MALRD1: variants seen among roughly 807,000 people sequenced by gnomAD.
MALRD1 encodes MAM and LDL receptor class A domain containing 1.
Under a neutral mutation model 242.1 loss-of-function variants are expected in MALRD1, and 247 were observed. The observed-to-expected ratio is 1.02, with a 90% CI of 0.92 to 1.13. The LOEUF (loss-of-function observed/expected upper bound fraction) is 1.13. MALRD1 is among the 50% of genes most tolerant of loss of function. The probability of loss-of-function intolerance (pLI) is 0.00; values close to 1 mark genes in which losing one functional copy is unlikely to be tolerated. For missense variants in MALRD1, 2,989 were observed against 2,533.1 expected (o/e 1.18, Z -3.86); for synonymous variants, 995 against 866.6 (o/e 1.15, Z -2.60).
chr10:19,694,513 C>T (rs1391428381), intron 38 of MALRD1, among the ~76,000 whole-genome samples: 1 of 152,148 alleles, frequency 6.6e-6, no homozygotes, highest in African/African-American at 2.4e-5. Flanking sequence ...TAAATCAAAA[C>T]CAGAATGAGA....
intron 22 of MALRD1, among the ~76,000 whole-genome samples, chr10:19,326,236 T>G (rs1242404300): frequency 6.6e-6 from 1 of 152,128 alleles, no homozygotes; most frequent in Non-Finnish European, 1.5e-5. Flanking sequence ...AAGATTTTCG[T>G]CAGTAAAATG....
intron 38 of MALRD1, among the ~76,000 whole-genome samples, chr10:19,706,856 A>C (rs1391589781): frequency 6.6e-6 from 1 of 152,150 alleles, no homozygotes; most frequent in Admixed American, 6.5e-5. Flanking sequence ...CAGGAAAAAT[A>C]GGGAGAACTG....
chr10:19,210,892 G>T (rs1837020722), intron 18 of MALRD1, among the ~76,000 whole-genome samples: 1 of 152,096 alleles, frequency 6.6e-6, no homozygotes, highest in Non-Finnish European at 1.5e-5. Flanking sequence ...GCATCGTTTG[G>T]CTCCGCCACA....
chr10:19,661,395 A>C, intron 36 of MALRD1, among the ~76,000 whole-genome samples: 1 of 152,156 alleles, frequency 6.6e-6, no homozygotes, highest in Non-Finnish European at 1.5e-5. Flanking sequence ...CAAATGTCCA[A>C]CAATGATAGA....
intron 9 of MALRD1, among the ~76,000 whole-genome samples, chr10:19,135,604 T>C (rs1833307911): frequency 6.6e-6 from 1 of 152,226 alleles, no homozygotes; most frequent in African/African-American, 2.4e-5. Flanking sequence ...AAATGCTTTA[T>C]ATCTGATGTC....
At chr10:19,050,127 G>C (rs1211086114) in intron 1 of MALRD1, among the ~76,000 whole-genome samples, 1 of 120,088 alleles carries the variant, frequency 8.3e-6, no homozygotes, top group African/African-American at 3.2e-5. Context: ...TCGCTCTGTC[G>C]CCCAGGCTGG....
intron 30 of MALRD1, among the ~76,000 whole-genome samples, chr10:19,494,540 A>ATG (rs750399382): frequency 8.1e-4 from 124 of 152,326 alleles, no homozygotes; most frequent in Middle Eastern, 3.4e-3. Context: ...AATAACAATT[A>ATG]TGCAGGAGCT....
chr10:19,700,604 T>C (rs905653386), intron 38 of MALRD1, among the ~76,000 whole-genome samples: 2 of 152,230 alleles, frequency 1.3e-5, no homozygotes, highest in Non-Finnish European at 2.9e-5. Flanking sequence ...TGGTCTCTGC[T>C]ACCTAATAGA....
At chr10:19,343,953 A>C (rs932031919) in intron 24 of MALRD1, among the ~76,000 whole-genome samples, 1 of 152,084 alleles carries the variant, frequency 6.6e-6, no homozygotes, top group Admixed American at 6.6e-5. Context: ...GCTTGTTTAT[A>C]ATCCATATAT....
intron 21 of MALRD1, among the ~76,000 whole-genome samples, chr10:19,305,886 ATATATAT>A (rs1279717803): frequency 1.5e-5 from 2 of 130,084 alleles, no homozygotes; most frequent in African/African-American, 5.9e-5. Context: ...AATATATATA[ATATATAT>A]TATATATACT....
chr10:19,144,234 T>C (rs1833649872), intron 10 of MALRD1, among the ~76,000 whole-genome samples: 1 of 152,214 alleles, frequency 6.6e-6, no homozygotes, highest in Admixed American at 6.5e-5. Flanking sequence ...CTCAAGTCCC[T>C]GGAGAACTTG....
intron 12 of MALRD1, among the ~76,000 whole-genome samples, chr10:19,162,979 T>TA (rs1210713770): frequency 3.4e-5 from 5 of 148,562 alleles, no homozygotes; most frequent in African/African-American, 4.9e-5. Context: ...ACTAAAAAGT[T>TA]AAAAAAAAAT....
intron 36 of MALRD1, among the ~76,000 whole-genome samples, chr10:19,637,214 C>A (rs923596618): frequency 3.3e-5 from 5 of 151,994 alleles, no homozygotes; most frequent in Non-Finnish European, 7.4e-5. Flanking sequence ...AAGCAAACTC[C>A]CATATCTGAT....
At chr10:19,161,139 G>T (rs71497262) in intron 12 of MALRD1, among the ~76,000 whole-genome samples, 19,511 of 134,270 alleles carry the variant, frequency 0.15, 1,055 homozygotes, top group Admixed American at 0.21. Flanking sequence ...TTAAGAAAAT[G>T]TGGCACATAT....
chr10:19,264,752 C>T (rs1223100216), intron 19 of MALRD1, among the ~76,000 whole-genome samples: 1 of 152,020 alleles, frequency 6.6e-6, no homozygotes, highest in Non-Finnish European at 1.5e-5. Flanking sequence ...CACGCCCAGC[C>T]CAGGCTGATC....
At chr10:19,397,032 T>C (rs1219141558) in intron 28 of MALRD1, among the ~76,000 whole-genome samples, 1 of 152,216 alleles carries the variant, frequency 6.6e-6, no homozygotes, top group African/African-American at 2.4e-5. Context: ...CATGTATACA[T>C]TGTGTAATGA....
At chr10:19,180,630 T>C (rs759314244) in intron 14 of MALRD1, among the ~76,000 whole-genome samples, 2 of 152,214 alleles carry the variant, frequency 1.3e-5, no homozygotes, top group African/African-American at 2.4e-5. Context: ...GAAGAGAACA[T>C]AGGGGAAAAA....
chr10:19,189,759 A>G (rs1835894331), intron 14 of MALRD1, among the ~76,000 whole-genome samples: 1 of 152,130 alleles, frequency 6.6e-6, no homozygotes, highest in Admixed American at 6.5e-5. Flanking sequence ...ATACAATTCA[A>G]TATTTAATTC....
intron 14 of MALRD1, among the ~76,000 whole-genome samples, chr10:19,179,620 A>ACC (rs34607801): frequency 2.1e-4 from 32 of 151,810 alleles, no homozygotes; most frequent in African/African-American, 5.6e-4. Context: ...CCTGTCTGCC[A>ACC]CCCCCCCATA....
Sources: allele counts gnomAD v4.1 joint callset (sites outside exome capture counted in the v4.1 genomes callset), GRCh38; gene constraint gnomAD v4.1.1; transcripts MANE v1.5; gene names NCBI Gene and HGNC (gene_info 2026-07-23, HGNC 2026-07-21).